The following MANBA variants were observed in gnomAD, a reference collection of about 807,000 sequenced individuals.
The protein encoded by MANBA is beta-mannosidase.
A neutral mutation model predicts 111.1 loss-of-function variants in MANBA; 83 were observed. That is an observed-to-expected ratio of 0.75 (90% CI 0.63 to 0.90). The LOEUF is 0.90. Among genes scored for constraint, MANBA ranks in the 40% least tolerant of loss-of-function variants. The pLI, the probability that MANBA is intolerant of heterozygous loss-of-function variation, is 0.00. For synonymous variants in MANBA, 370 were observed against 378.7 expected (o/e 0.98, Z 0.27); for missense variants, 1,036 against 1,069.0 (o/e 0.97, Z 0.43).
chr4:102,717,948 T>C (rs750390662), intron 4 of MANBA, among the ~76,000 whole-genome samples: 2 of 152,190 alleles, frequency 1.3e-5, no homozygotes, highest in African/African-American at 4.8e-5. Context: ...CTGTAAATGA[T>C]TAACTAGAGG....
intron 5 of MANBA, among the ~76,000 whole-genome samples, chr4:102,709,577 A>T (rs1344801056): frequency 6.6e-6 from 1 of 152,176 alleles, no homozygotes; most frequent in Non-Finnish European, 1.5e-5. Context: ...ACAACGAAGA[A>T]CTAATACCAA....
At chr4:102,637,735 T>C (rs1391214557) in intron 14 of MANBA, among the ~76,000 whole-genome samples, 1 of 152,200 alleles carries the variant, frequency 6.6e-6, no homozygotes, top group African/African-American at 2.4e-5. Context: ...TCACCCCATA[T>C]ATCTCTTCAT....
intron 1 of MANBA, among the ~76,000 whole-genome samples, chr4:102,755,149 G>C (rs1723961340): frequency 6.6e-6 from 1 of 152,082 alleles, no homozygotes. Flanking sequence ...CCCAAAAAAA[G>C]CCCACATTGC....
rs1380417242 is a variant in MANBA, at chr4:102,634,709, G to C, written c.2415+79C>G. 8 of 1,579,102 alleles carry C rather than the reference G, an allele frequency of 5.1e-6. No individual in the cohort carries two copies. The Admixed American group carries it at 1.0e-4, about 20-fold the overall frequency. ...CCAAGGGGGACACATGCAAATCTCAGGATGCAAGGAGCTGGCCCAAGAGCA... is the reference window on the plus strand; with the variant it reads ...CCAAGGGGGACACATGCAAATCTCACGATGCAAGGAGCTGGCCCAAGAGCA... On this transcript the variant is annotated intron_variant, in intron 16 of 16. Coordinates refer to ENST00000647097, the MANE Select transcript of MANBA (RefSeq NM_005908.4).
At chr4:102,720,982 GT>G (rs1464348743) in intron 4 of MANBA, among the ~76,000 whole-genome samples, 1 of 152,170 alleles carries the variant, frequency 6.6e-6, no homozygotes, top group Non-Finnish European at 1.5e-5. Context: ...TACCTAAAGA[GT>G]ATTGGGAAAA....
At chr4:102,693,735 T>C (rs1005364064) in intron 5 of MANBA, among the ~76,000 whole-genome samples, 3 of 152,172 alleles carry the variant, frequency 2.0e-5, no homozygotes, top group Non-Finnish European at 4.4e-5. Context: ...GACAGATGCC[T>C]AAACTATTTT....
intron 5 of MANBA, among the ~76,000 whole-genome samples, chr4:102,709,004 T>C (rs535492968): frequency 6.6e-6 from 1 of 151,972 alleles, no homozygotes; most frequent in African/African-American, 2.4e-5. Context: ...CCTGGACACA[T>C]ACAACCTGCC....
At chr4:102,760,584 A>T in intron 1 of MANBA, 134 bp downstream of exon 1, 1 of 1,006,980 alleles carries the variant, frequency 9.9e-7, no homozygotes, top group Non-Finnish European at 1.4e-6. Flanking sequence ...GCAGATCACA[A>T]GATGCAAAGG....
chr4:102,636,196 A>G (rs1729627049), intron 14 of MANBA, among the ~76,000 whole-genome samples, 189 bp from the exon 15 acceptor site: 1 of 152,216 alleles, frequency 6.6e-6, no homozygotes, highest in African/African-American at 2.4e-5. Context: ...TGTCACCCTC[A>G]CAACATCTGG....
intron 5 of MANBA, among the ~76,000 whole-genome samples, chr4:102,696,805 G>A (rs1055894503): frequency 1.3e-5 from 2 of 152,142 alleles, no homozygotes; most frequent in Admixed American, 1.3e-4. Context: ...GGGAAAGGTA[G>A]TTATGTGCAT....
At chr4:102,648,980 A>G (rs922934589) in intron 13 of MANBA, among the ~76,000 whole-genome samples, 1 of 152,056 alleles carries the variant, frequency 6.6e-6, no homozygotes, top group African/African-American at 2.4e-5. Flanking sequence ...TTAAATTTCA[A>G]TATAGAAGAA....
chr4:102,758,311 C>T (rs6854183), intron 1 of MANBA, among the ~76,000 whole-genome samples: 2,290 of 152,006 alleles, frequency 0.015, 58 homozygotes, highest in African/African-American at 0.052. Context: ...ATTAGAGGTA[C>T]AAAATAAATA....
intron 1 of MANBA, chr4:102,728,373 G>A: frequency 3.8e-6 from 2 of 524,054 alleles, no homozygotes; most frequent in Non-Finnish European, 7.7e-6. Flanking sequence ...CCTACACTTT[G>A]AATCTTAGCC....
intron 1 of MANBA, among the ~76,000 whole-genome samples, chr4:102,749,996 G>A (rs149959426): frequency 6.6e-6 from 1 of 152,192 alleles, no homozygotes; most frequent in East Asian, 1.9e-4. Flanking sequence ...TTAAGGATCA[G>A]GATTTTTTAA....
At chr4:102,703,278 A>G (rs10013650) in intron 5 of MANBA, among the ~76,000 whole-genome samples, 4,235 of 152,290 alleles carry the variant, frequency 0.028, 135 homozygotes, top group African/African-American at 0.078. Context: ...TGAGGAAATT[A>G]TGACAATGAA....
chr4:102,634,313 A>C (rs1729516556), intron 16 of MANBA, among the ~76,000 whole-genome samples: 1 of 152,248 alleles, frequency 6.6e-6, no homozygotes, highest in African/African-American at 2.4e-5. Context: ...GACTCTACTT[A>C]AAATTAGACT....
At chr4:102,753,311 T>C (rs1320793773) in intron 1 of MANBA, among the ~76,000 whole-genome samples, 2 of 152,150 alleles carry the variant, frequency 1.3e-5, no homozygotes, top group Non-Finnish European at 2.9e-5. Flanking sequence ...CTTTATATTA[T>C]GTGTTTTATT....
intron 5 of MANBA, among the ~76,000 whole-genome samples, chr4:102,699,064 G>T (rs1199685341): frequency 6.6e-6 from 1 of 151,984 alleles, no homozygotes; most frequent in East Asian, 1.9e-4. Flanking sequence ...CCTTGAAGAG[G>T]TCCTTCACGT....
intron 14 of MANBA, 142 bp from the exon 15 acceptor site, chr4:102,636,149 T>G: frequency 1.3e-6 from 1 of 741,692 alleles, no homozygotes. Flanking sequence ...GGCACCCATG[T>G]TTGTGAAGCG....
Sources: allele counts gnomAD v4.1 joint callset (sites outside exome capture counted in the v4.1 genomes callset), GRCh38; gene constraint gnomAD v4.1.1; transcripts MANE v1.5; gene names NCBI Gene and HGNC (gene_info 2026-07-23, HGNC 2026-07-21).